CCPG1: variants seen among roughly 807,000 people sequenced by gnomAD.
CCPG1 encodes cell cycle progression protein 1.
A neutral mutation model predicts 81.3 loss-of-function variants in CCPG1; 46 were observed. The ratio of observed to expected loss-of-function variants is 0.57; its 90% CI spans 0.45 to 0.72. The LOEUF (loss-of-function observed/expected upper bound fraction) is 0.72, where lower values mean the gene tolerates loss of function less well. CCPG1 is among the 30% of genes least tolerant of loss of function. The pLI, the probability that CCPG1 is intolerant of heterozygous loss-of-function variation, is 0.00. For synonymous variants in CCPG1, 330 were observed against 305.2 expected (o/e 1.08, Z -0.85); for missense variants, 902 against 937.6 (o/e 0.96, Z 0.50).
chr15:55,381,952 C>T (rs1358867791), intron 3 of CCPG1, among the ~76,000 whole-genome samples: 6 of 152,216 alleles, frequency 3.9e-5, no homozygotes, highest in Non-Finnish European at 5.9e-5. Context: ...GTTAGGTTTA[C>T]ACTATGCTGT....
rs2056459231 is a variant in CCPG1 at position 55,371,994 on chromosome 15, T to G, written c.505A>C (p.Asn169His). The G allele has an allele frequency of 4.3e-6, 7 of 1,614,048 alleles. No individual in the cohort carries two copies. Among genetic ancestry groups the G allele is most frequent in the Non-Finnish European group, 5.9e-6 (7 of 1,179,902 alleles). Reference sequence around the variant, plus strand: ...CGTCTAAAGGCAGGACTGGGCTGATTACTGGTTTCATCACTACTTGATTCA... The same window carrying G: ...CGTCTAAAGGCAGGACTGGGCTGATGACTGGTTTCATCACTACTTGATTCA... ...DDESSSDETS[N>H]QPSPAFRRRR... is the part of the protein sequence containing the mutation. The change falls in exon 6 of 9, where the codon AAT becomes CAT. Residue 169 changes from asparagine (N) to histidine (H), a missense_variant. Physicochemically the swap from Asn to His is moderately conservative, Grantham distance 68. Around this residue, in one of 3 missense-constraint regions of CCPG1, gnomAD observed 746 missense variants for 728.6 expected, o/e 1.02. Transcript: ENST00000442196.
At chr15:55,374,496 A>G (rs980186453) in intron 5 of CCPG1, among the ~76,000 whole-genome samples, 1 of 152,190 alleles carries the variant, frequency 6.6e-6, no homozygotes, top group Non-Finnish European at 1.5e-5. Flanking sequence ...CAAAACGTAC[A>G]CTGCCACAAG....
intron 2 of CCPG1, among the ~76,000 whole-genome samples, chr15:55,388,613 T>G (rs974781209): frequency 6.6e-6 from 1 of 152,158 alleles, no homozygotes; most frequent in Non-Finnish European, 1.5e-5. Flanking sequence ...TCAAAATTAT[T>G]TAAGAACAGG....
rs767836995 is a variant in CCPG1 at position 55,360,651 on chromosome 15, A to T, written c.1122T>A (p.Thr374=). 6.2e-7 allele frequency: 1 copy of T among 1,614,116 alleles called. No individual in the cohort carries two copies. Among genetic ancestry groups the T allele is most frequent in the Non-Finnish European group, 8.5e-7 (1 of 1,180,034 alleles). Residue 374 remains threonine, a synonymous_variant, in exon 8 of 9, where the codon ACT becomes ACA. Coordinates refer to ENST00000442196, the MANE Select transcript of CCPG1 (RefSeq NM_001204450.2). ...TTAGCATCTTTGCTTCTGTCAACAG[A>T]GTCTCCCTTTGACTAAGAAAGCTGT... ...KKHSFLSQRE[T]LLTEAKMLKR...
chr15:55,380,044 G>A (rs2056648562), intron 3 of CCPG1, among the ~76,000 whole-genome samples: 1 of 149,908 alleles, frequency 6.7e-6, no homozygotes, highest in South Asian at 2.1e-4. Context: ...AGGTTGCAGT[G>A]AGCCGAGATC....
intron 3 of CCPG1, 106 bp from the exon 4 acceptor site, chr15:55,378,482 T>C (rs1259193676): frequency 3.4e-6 from 2 of 594,206 alleles, no homozygotes; most frequent in East Asian, 6.0e-5. Flanking sequence ...CTTCCTAATA[T>C]GTTAGGATAG....
intron 1 of CCPG1, among the ~76,000 whole-genome samples, chr15:55,399,301 G>A (rs1158570908): frequency 1.3e-5 from 2 of 151,576 alleles, no homozygotes; most frequent in African/African-American, 4.9e-5. Flanking sequence ...TTAGTTCTAT[G>A]GATGAAACAC....
intron 3 of CCPG1, among the ~76,000 whole-genome samples, chr15:55,379,161 C>CTTGTGTGTGTGTGTGTGT (rs146009067): frequency 7.4e-6 from 1 of 134,682 alleles, no homozygotes; most frequent in Non-Finnish European, 1.6e-5. Flanking sequence ...TGTATATGTA[C>CTTGTGTGTGTGTGTGTGT]GTGTGTGTGT....
At chr15:55,358,371 T>C in intron 8 of CCPG1, 1 of 985,398 alleles carries the variant, frequency 1.0e-6, no homozygotes, top group Non-Finnish European at 1.2e-6. Flanking sequence ...ACTACTGTAA[T>C]CTAAAATACA....
intron 3 of CCPG1, among the ~76,000 whole-genome samples, chr15:55,378,605 GA>G (rs1313252449): frequency 1.5e-5 from 2 of 137,356 alleles, no homozygotes; most frequent in African/African-American, 5.1e-5. Context: ...AATCATTTAA[GA>G]TTTTTTTTTT....
Position 55,376,814 on chromosome 15 carries a change from C to G in CCPG1, c.454+135G>C, listed in dbSNP as rs2056575483. ...ACACTAGGTATTAATAGATTTCACA[C>G]ACAAAAATAGTCTTGTCTTGAGTTT... is the stretch of plus-strand genomic sequence containing the variant. On this transcript the variant is annotated intron_variant, in intron 5 of 8. Transcript: ENST00000442196. The G allele has an allele frequency of 7.7e-6, 5 of 649,594 alleles. No individual in the cohort carries two copies. The South Asian group carries it at 9.7e-5, about 13-fold the overall frequency. 40.2% of individuals were successfully genotyped at this position (649,594 alleles called of 1,614,324 possible). A position where few individuals can be genotyped will look rare whatever the true frequency, so the allele number is the denominator to read the frequency against.
chr15:55,365,505 C>T (rs550105181), intron 6 of CCPG1, among the ~76,000 whole-genome samples, 196 bp from the exon 7 acceptor site: 18 of 149,660 alleles, frequency 1.2e-4, no homozygotes, highest in Non-Finnish European at 2.1e-4. Flanking sequence ...ACTGCAACCT[C>T]TGCCTCCCTG....
At chr15:55,384,855 CATGTCT>C in intron 3 of CCPG1, among the ~76,000 whole-genome samples, 1 of 152,208 alleles carries the variant, frequency 6.6e-6, no homozygotes, top group South Asian at 2.1e-4. Flanking sequence ...AAATGAGAGG[CATGTCT>C]GTAACTCCAT....
chr15:55,371,168 A>G (rs1046382106), intron 6 of CCPG1, among the ~76,000 whole-genome samples: 3 of 152,204 alleles, frequency 2.0e-5, no homozygotes, highest in Non-Finnish European at 4.4e-5. Context: ...AAGTAAAGTA[A>G]CACCAATAGA....
chr15:55,401,622 C>A (rs529704116), intron 1 of CCPG1, among the ~76,000 whole-genome samples: 1 of 150,512 alleles, frequency 6.6e-6, no homozygotes, highest in African/African-American at 2.4e-5. Context: ...GCCGAGACCA[C>A]GCCATTTCAC....
intron 1 of CCPG1, 25 bp from the exon 2 acceptor site, chr15:55,389,458 T>C (rs779814983): frequency 4.4e-5 from 66 of 1,507,000 alleles, no homozygotes; most frequent in Admixed American, 8.4e-5. Flanking sequence ...ACATATTGAC[T>C]CATGAGACAC....
intron 1 of CCPG1, among the ~76,000 whole-genome samples, chr15:55,402,620 T>C (rs1353489705): frequency 6.6e-6 from 1 of 152,190 alleles, no homozygotes; most frequent in Non-Finnish European, 1.5e-5. Flanking sequence ...TCAGATCCTC[T>C]CATAGCCAGA....
At chr15:55,358,822 C>A (rs949961582) in intron 8 of CCPG1, 5 of 978,412 alleles carry the variant, frequency 5.1e-6, no homozygotes, top group Non-Finnish European at 6.1e-6. Flanking sequence ...TGACTAAAGA[C>A]ACCAGAATCA....
At chr15:55,374,326 A>G (rs1022107094) in intron 5 of CCPG1, 2 of 706,340 alleles carry the variant, frequency 2.8e-6, no homozygotes, top group South Asian at 3.2e-5. Flanking sequence ...AGAATTAAAA[A>G]TACTTAATTA....
Sources: gnomAD v4.1 joint callset for allele counts (sites outside exome capture counted in the v4.1 genomes callset) on GRCh38, gnomAD v4.1.1 for gene constraint, gnomAD v4.1.1 regional missense constraint, MANE v1.5 for transcripts, NCBI Gene and HGNC (gene_info 2026-07-23, HGNC 2026-07-21) for gene names.